Variants in ZNF799 observed in about 807,000 individuals in gnomAD.
ZNF799 encodes zinc finger protein 14.
In ZNF799, 28 loss-of-function variants were observed where a neutral mutation model predicts 41.0. The observed-to-expected ratio is 0.68, with a 90% confidence interval of 0.51 to 0.94. The LOEUF (loss-of-function observed/expected upper bound fraction) is 0.94, where lower values mean the gene tolerates loss of function less well. ZNF799 is among the 40% of genes least tolerant of loss of function. The pLI is 0.00. For missense variants in ZNF799, 716 were observed against 764.3 expected (o/e 0.94, Z 0.74); for synonymous variants, 213 against 252.9 (o/e 0.84, Z 1.50).
chr19:12,409,962 C>A, the ZNF799 span, among the ~76,000 whole-genome samples: 12 of 152,086 alleles, frequency 7.9e-5, no homozygotes, highest in African/African-American at 2.9e-4. Context: ...GCCTGGCCAA[C>A]ATGGCAAAAC....
the ZNF799 span, among the ~76,000 whole-genome samples, chr19:12,411,778 A>G: frequency 6.6e-6 from 1 of 151,822 alleles, no homozygotes; most frequent in Non-Finnish European, 1.5e-5. Flanking sequence ...ACACCCCGCT[A>G]ATTTTTGTAT....
chr19:12,394,662 A>G, intron 1 of ZNF799: 1 of 985,452 alleles, frequency 1.0e-6, no homozygotes, highest in Non-Finnish European at 1.2e-6. Context: ...CAAAGGGGAA[A>G]GAAAGAAGGG....
chr19:12,392,552 A>C, intron 3 of ZNF799, 51 bp downstream of exon 3: 1 of 1,467,110 alleles, frequency 6.8e-7, no homozygotes, highest in Non-Finnish European at 9.4e-7. Flanking sequence ...TTTTCATATC[A>C]TTCTCAGAAC....
intron 1 of ZNF799, among the ~76,000 whole-genome samples, chr19:12,399,944 T>A (rs1171836795): frequency 5.3e-5 from 8 of 152,136 alleles, no homozygotes; most frequent in Non-Finnish European, 5.9e-5. Context: ...CCCACCGTGT[T>A]CAGGAACCCA....
At chr19:12,404,425 CTTTTAT>C (rs1169784469), upstream of ZNF799, among the ~76,000 whole-genome samples, 2 of 149,588 alleles carry the variant, frequency 1.3e-5, no homozygotes, top group South Asian at 2.1e-4. Flanking sequence ...GTCTCTCTCT[CTTTTAT>C]TTTTATTTTT....
rs1413339717 is a variant in ZNF799 at position 12,391,303 on chromosome 19, A to C, written c.1095T>G (p.Tyr365Ter). 1 of 1,614,192 alleles carries C rather than the reference A, an allele frequency of 6.2e-7. No individual in the cohort carries two copies. The highest frequency in any genetic ancestry group is 8.5e-7 in the Non-Finnish European group (1 of 1,179,996). The change falls in exon 4 of 4, where the codon TAT (tyrosine) becomes TAG (stop). Residue 365 changes from tyrosine (Y) to a stop codon, truncating the protein, a stop_gained. Coordinates refer to ENST00000430385, the MANE Select transcript of ZNF799 (RefSeq NM_001080821.3). LOFTEE classifies it high-confidence loss of function. ...HERTHTGEKL[Y>*]ECKQCGKALS... ...ACGCTTTCCCACACTGCTTGCATTC[A>C]TAGAGTTTCTCTCCAGTGTGAGTTC...
chr19:12,396,071 AAAG>A lies in ZNF799; in HGVS notation c.4-2651_4-2649del, dbSNP rs781402469. On this transcript the variant is annotated intron_variant, in intron 1 of 3. Transcript: ENST00000430385. ...CACACATAAACAGAAAACAGTGAGGAAAGAAGAAGAATCCAATTTTCAGAATTA... is the reference window on the plus strand; with the variant it reads ...CACACATAAACAGAAAACAGTGAGGAAAGAAGAATCCAATTTTCAGAATTA... Among the ~76,000 whole-genome samples, 5 of 152,248 alleles carry A rather than the reference AAAG, an allele frequency of 3.3e-5. No individual in the cohort carries two copies. In the East Asian group the frequency reaches 5.8e-4, roughly 18 times the overall value.
chr19:12,407,127 G>A, the ZNF799 span, among the ~76,000 whole-genome samples: 1 of 152,070 alleles, frequency 6.6e-6, no homozygotes, highest in Non-Finnish European at 1.5e-5. Flanking sequence ...TGCCTTGCCA[G>A]TAATGTCAAA....
chr19:12,410,759 T>C, the ZNF799 span, among the ~76,000 whole-genome samples: 1 of 152,150 alleles, frequency 6.6e-6, no homozygotes, highest in Non-Finnish European at 1.5e-5. Context: ...ACTATTCCTA[T>C]GCACATTAAA....
At chr19:12,412,159 G>C in the ZNF799 span, among the ~76,000 whole-genome samples, 1 of 152,162 alleles carries the variant, frequency 6.6e-6, no homozygotes, top group African/African-American at 2.4e-5. Context: ...CTCAGTCAAA[G>C]CTGGACTCTG....
chr19:12,403,153 A>G (rs1970009861), upstream of ZNF799, among the ~76,000 whole-genome samples: 1 of 152,062 alleles, frequency 6.6e-6, no homozygotes, highest in Non-Finnish European at 1.5e-5. Context: ...TCATGGTTCA[A>G]TGTTGCTATG....
At chr19:12,410,291 A>ATC in the ZNF799 span, among the ~76,000 whole-genome samples, 2 of 125,980 alleles carry the variant, frequency 1.6e-5, no homozygotes, top group South Asian at 5.1e-4. Context: ...ATATATATAT[A>ATC]TATATATCTT....
rs1969798834 is a variant in ZNF799, at chr19:12,390,840, T to G, written c.1558A>C (p.Lys520Gln). 1 of 1,613,930 alleles carries G rather than the reference T, an allele frequency of 6.2e-7. No individual in the cohort carries two copies. The highest frequency in any genetic ancestry group is 8.5e-7 in the Non-Finnish European group (1 of 1,179,990). ...KKAFSHFGNL[K>Q]VHERIHSGEK... ...CCAGAGTGAATTCTTTCATGTACTT[T>G]TAAGTTACCAAAATGACTGAAGGCT... The change falls in exon 4 of 4, where the codon AAA becomes CAA. Residue 520 changes from lysine (K) to glutamine (Q), a missense_variant. By Grantham distance (53) the Lys-to-Gln change is moderately conservative (BLOSUM62 1). Coordinates refer to ENST00000430385, the MANE Select transcript of ZNF799 (RefSeq NM_001080821.3).
At chr19:12,401,356 C>T, upstream of ZNF799, 1 of 900,430 alleles carries the variant, frequency 1.1e-6, no homozygotes, top group Non-Finnish European at 1.6e-6. Flanking sequence ...AAGAAGCGAT[C>T]TTGCACAGCT....
chr19:12,408,115 C>T, the ZNF799 span, among the ~76,000 whole-genome samples: 5 of 152,172 alleles, frequency 3.3e-5, no homozygotes, highest in Admixed American at 2.6e-4. Context: ...GATTGTGCCA[C>T]TGCACTCCAG....
chr19:12,412,064 T>G, the ZNF799 span, among the ~76,000 whole-genome samples: 1 of 152,146 alleles, frequency 6.6e-6, no homozygotes, highest in Non-Finnish European at 1.5e-5. Context: ...TGTCACCATG[T>G]CCCTATGGGA....
upstream of ZNF799, chr19:12,401,287 GC>G: frequency 7.5e-7 from 1 of 1,341,586 alleles, no homozygotes; most frequent in African/African-American, 1.5e-5. Flanking sequence ...CCACGAACCC[GC>G]CCCACGGCCC....
the ZNF799 span, among the ~76,000 whole-genome samples, chr19:12,410,517 C>A: frequency 1.3e-5 from 2 of 151,766 alleles, no homozygotes; most frequent in Non-Finnish European, 2.9e-5. Context: ...AAATAAAGAT[C>A]TAAAATCAAT....
chr19:12,401,059 C>T lies in ZNF799; in HGVS notation c.3+9G>A. 1.9e-6 allele frequency: 3 copies of T among 1,614,008 alleles called. No homozygotes were observed. Among genetic ancestry groups the T allele is most frequent in the Non-Finnish European group, 2.5e-6 (3 of 1,179,910 alleles). On this transcript the variant is annotated intron_variant, in intron 1 of 3. Coordinates refer to ENST00000430385, the MANE Select transcript of ZNF799 (RefSeq NM_001080821.3). ...CCCCCGCCTCGGGACGCCGGCCCAG[C>T]ACACGCACCATTTCCCGACTTCCGC... is the stretch of plus-strand genomic sequence containing the variant.
Sources: allele counts gnomAD v4.1 joint callset (sites outside exome capture counted in the v4.1 genomes callset), GRCh38; gene constraint gnomAD v4.1.1; transcripts MANE v1.5; gene names NCBI Gene and HGNC (gene_info 2026-07-23, HGNC 2026-07-21).